Variants in NF1 observed in about 807,000 individuals in gnomAD.
NF1 encodes neurofibromin.
NF1 carries 122 observed loss-of-function variants against 325.7 expected under a neutral mutation model. The observed-to-expected ratio is 0.37, with a 90% CI of 0.32 to 0.44. NF1 has a LOEUF of 0.44. NF1 is among the 20% of genes least tolerant of loss of function. The pLI, the probability that NF1 is intolerant of heterozygous loss-of-function variation, is 1.00. For synonymous variants in NF1, 1,091 were observed against 1,186.0 expected (o/e 0.92, Z 1.65); for missense variants, 2,140 against 3,415.4 (o/e 0.63, Z 9.31).
chr17:31,132,709 C>G (rs1915481764), intron 1 of NF1, among the ~76,000 whole-genome samples: 1 of 151,956 alleles, frequency 6.6e-6, no homozygotes, highest in Non-Finnish European at 1.5e-5. Flanking sequence ...TGTTGTTGCC[C>G]AGGCTGGAGT....
At chr17:31,186,324 A>C (rs774027391) in intron 8 of NF1, among the ~76,000 whole-genome samples, 3 of 152,210 alleles carry the variant, frequency 2.0e-5, no homozygotes, top group Non-Finnish European at 2.9e-5. Context: ...ATGGTTCTGC[A>C]CAATATGCAG....
intron 3 of NF1, among the ~76,000 whole-genome samples, chr17:31,159,753 G>C (rs1052064311): frequency 1.3e-5 from 2 of 152,054 alleles, no homozygotes; most frequent in African/African-American, 2.4e-5. Flanking sequence ...CCTGGAACAT[G>C]GTAAGAGTTT....
intron 1 of NF1, among the ~76,000 whole-genome samples, chr17:31,144,058 C>T (rs1916418618): frequency 1.3e-5 from 2 of 151,892 alleles, no homozygotes; most frequent in African/African-American, 2.4e-5. Context: ...CTCCTGACCT[C>T]GTGATCCGCC....
At chr17:31,125,696 C>T (rs1232680847) in intron 1 of NF1, among the ~76,000 whole-genome samples, 2 of 151,940 alleles carry the variant, frequency 1.3e-5, no homozygotes, top group South Asian at 4.2e-4. Context: ...GCACCATGCC[C>T]AGCTAATTTT....
chr17:31,303,527 C>A (rs1369360715), intron 36 of NF1, among the ~76,000 whole-genome samples: 1 of 151,968 alleles, frequency 6.6e-6, no homozygotes, highest in Non-Finnish European at 1.5e-5. Flanking sequence ...TAGAATGAAG[C>A]CATAGTCTTC....
rs2066498832 is a variant in NF1 at position 31,200,077 on chromosome 17, A to G, written c.889-345A>G. 2.6e-5 allele frequency among the ~76,000 whole-genome samples: 4 copies of G among 152,030 alleles called. No individual in the cohort carries two copies. The South Asian group carries it at 8.3e-4, about 32-fold the overall frequency. On this transcript the variant is annotated intron_variant, in intron 8 of 57. Coordinates refer to ENST00000358273, the MANE Select transcript of NF1 (RefSeq NM_001042492.3). Reference sequence around the variant, plus strand: ...CTTGACCCTGGGAGGCAGAGGTTGCAATGAGCCAAGATCGTGCCTTTGTAC... The same window carrying G: ...CTTGACCCTGGGAGGCAGAGGTTGCGATGAGCCAAGATCGTGCCTTTGTAC...
chr17:31,361,037 G>A lies in NF1; in HGVS notation c.8377+334G>A, dbSNP rs185312301. ...TTTATTTACTAGATATACTAACATT[G>A]CCCTAAGGGCCTCTTTCTCTGTCTC... On this transcript the variant is annotated intron_variant, in intron 57 of 57. Transcript: ENST00000358273. 2.2e-3 allele frequency: 519 copies of A among 231,880 alleles called. 1 individual carries two copies. The highest frequency in any genetic ancestry group is 2.6e-3 in the Non-Finnish European group (325 of 125,782). 14.4% of individuals were successfully genotyped at this position (231,880 alleles called of 1,614,324 possible).
At chr17:31,305,112 T>A (rs200125519) in intron 36 of NF1, 1 of 1,614,152 alleles carries the variant, frequency 6.2e-7, no homozygotes, top group Admixed American at 1.7e-5. Flanking sequence ...GTTGTGTGGA[T>A]GGATTATGAA....
intron 50 of NF1, among the ~76,000 whole-genome samples, chr17:31,351,106 CT>C (rs17884546): frequency 0.025 from 3,734 of 152,110 alleles, 167 homozygotes; most frequent in African/African-American, 0.085. Context: ...GAGATATGCC[CT>C]TTTTGTTATA....
intron 1 of NF1, among the ~76,000 whole-genome samples, chr17:31,104,775 A>T (rs1184540343): frequency 6.6e-6 from 1 of 152,258 alleles, no homozygotes; most frequent in East Asian, 1.9e-4. Context: ...TATAGGATAT[A>T]AACTATAACT....
intron 1 of NF1, among the ~76,000 whole-genome samples, chr17:31,099,822 A>T (rs560667312): frequency 6.6e-6 from 1 of 152,036 alleles, no homozygotes; most frequent in Non-Finnish European, 1.5e-5. Flanking sequence ...TGGCCTCCCA[A>T]AGTGCTGGGA....
intron 7 of NF1, 101 bp from the exon 8 acceptor site, chr17:31,182,407 A>G: frequency 8.9e-7 from 1 of 1,120,690 alleles, no homozygotes. Flanking sequence ...TTTATCTTTT[A>G]AAAATGTTGC....
intron 8 of NF1, among the ~76,000 whole-genome samples, chr17:31,194,851 T>C (rs1297032505): frequency 6.6e-6 from 1 of 152,170 alleles, no homozygotes; most frequent in Non-Finnish European, 1.5e-5. Flanking sequence ...GGCAAATGTA[T>C]TGGGTAGCTG....
intron 30 of NF1, chr17:31,249,892 G>A (rs1050917241): frequency 6.3e-6 from 3 of 476,262 alleles, no homozygotes; most frequent in African/African-American, 5.9e-5. Context: ...TTTGGGATAG[G>A]GGTGGATATA....
intron 1 of NF1, among the ~76,000 whole-genome samples, chr17:31,099,480 T>C (rs954210168): frequency 2.0e-5 from 3 of 152,096 alleles, no homozygotes; most frequent in Non-Finnish European, 4.4e-5. Context: ...CAGTTAAATC[T>C]TACATCTCTC....
At chr17:31,274,011 G>A (rs560500177) in intron 36 of NF1, among the ~76,000 whole-genome samples, 11 of 152,222 alleles carry the variant, frequency 7.2e-5, no homozygotes, top group African/African-American at 2.4e-4. Context: ...TGTTTATAGG[G>A]CAGTTTCTAC....
At chr17:31,172,954 T>G (rs1322509073) in intron 5 of NF1, among the ~76,000 whole-genome samples, 1 of 151,634 alleles carries the variant, frequency 6.6e-6, no homozygotes, top group African/African-American at 2.4e-5. Flanking sequence ...TGGATTGGGG[T>G]AGGGTAAGGA....
At chr17:31,352,144 A>G in intron 50 of NF1, 113 bp from the exon 51 acceptor site, 2 of 984,180 alleles carry the variant, frequency 2.0e-6, no homozygotes, top group Non-Finnish European at 3.2e-6. Context: ...GTGCAATTTT[A>G]AAATTAATTG....
chr17:31,342,188 C>T (rs1567619985), intron 47 of NF1, among the ~76,000 whole-genome samples: 2 of 152,262 alleles, frequency 1.3e-5, no homozygotes, highest in Admixed American at 6.5e-5. Flanking sequence ...CATGCTTGTA[C>T]ATCTGTTTTG....
Sources: gnomAD v4.1 joint callset for allele counts (sites outside exome capture counted in the v4.1 genomes callset) on GRCh38, gnomAD v4.1.1 for gene constraint, MANE v1.5 for transcripts, NCBI Gene and HGNC (gene_info 2026-07-23, HGNC 2026-07-21) for gene names.